Variants in GLB1 observed in about 807,000 individuals in gnomAD.
The protein encoded by GLB1 is galactosidase beta 1.
In GLB1, 56 loss-of-function variants were observed where a neutral mutation model predicts 74.0. The observed-to-expected ratio is 0.76, with a 90% CI of 0.61 to 0.94. The LOEUF is 0.94. Ranked by LOEUF, GLB1 falls within the 40% of genes least tolerant of loss-of-function variation. GLB1 has a pLI of 0.00. For synonymous variants in GLB1, 323 were observed against 323.6 expected (o/e 1.00, Z 0.02); for missense variants, 787 against 845.5 (o/e 0.93, Z 0.86).
chr3:33,012,936 G>A (rs1352311316), intron 15 of GLB1, among the ~76,000 whole-genome samples: 1 of 152,040 alleles, frequency 6.6e-6, no homozygotes, highest in Non-Finnish European at 1.5e-5. Flanking sequence ...TGGTTTCCTC[G>A]AATCCATAAG....
chr3:33,057,138 G>A (rs184368533), intron 6 of GLB1, among the ~76,000 whole-genome samples: 3 of 152,342 alleles, frequency 2.0e-5, no homozygotes, highest in Admixed American at 6.5e-5. Context: ...GATAGTGAGT[G>A]AATGAGTTAT....
intron 1 of GLB1, among the ~76,000 whole-genome samples, chr3:33,075,524 G>A (rs546817572): frequency 2.0e-5 from 3 of 152,300 alleles, no homozygotes; most frequent in African/African-American, 7.2e-5. Flanking sequence ...AGTAATCACA[G>A]ACAAGAACCA....
At chr3:33,067,462 A>AAATTTTTG (rs1699731187) in intron 4 of GLB1, among the ~76,000 whole-genome samples, 1 of 151,126 alleles carries the variant, frequency 6.6e-6, no homozygotes, top group Admixed American at 6.6e-5. Flanking sequence ...GCTAATTTTT[A>AAATTTTTG]TAGAGATAGG....
At chr3:33,004,595 T>C (rs1696710811) in intron 15 of GLB1, among the ~76,000 whole-genome samples, 1 of 152,250 alleles carries the variant, frequency 6.6e-6, no homozygotes, top group Non-Finnish European at 1.5e-5. Context: ...CAGCCATGTC[T>C]GTGCCTTTCT....
chr3:32,974,757 A>G, the GLB1 span, among the ~76,000 whole-genome samples: 1 of 152,196 alleles, frequency 6.6e-6, no homozygotes, highest in Admixed American at 6.5e-5. Flanking sequence ...CAAGTCAGTC[A>G]GGAAGGAGGA....
chr3:33,017,410 T>C (rs1184577280), intron 13 of GLB1, among the ~76,000 whole-genome samples: 2 of 152,176 alleles, frequency 1.3e-5, no homozygotes, highest in Admixed American at 6.5e-5. Flanking sequence ...GACCTTACAA[T>C]GATCATAATT....
At chr3:33,021,722 T>G in intron 11 of GLB1, 67 bp from the exon 12 acceptor site, 1 of 1,548,700 alleles carries the variant, frequency 6.5e-7, no homozygotes, top group Non-Finnish European at 8.8e-7. Context: ...ACAGAGTCAT[T>G]CCCTAATTAT....
intron 5 of GLB1, 77 bp downstream of exon 5, chr3:33,065,386 A>G: frequency 3.9e-6 from 6 of 1,519,722 alleles, no homozygotes; most frequent in Non-Finnish European, 5.4e-6. Context: ...TCATGTCTGC[A>G]TCACTTCTAT....
intron 9 of GLB1, among the ~76,000 whole-genome samples, chr3:33,048,201 T>C (rs1698820879): frequency 6.6e-6 from 1 of 152,194 alleles, no homozygotes; most frequent in South Asian, 2.1e-4. Context: ...AAGCACACTT[T>C]ACAGGCCGAG....
intron 15 of GLB1, among the ~76,000 whole-genome samples, chr3:32,999,196 C>T (rs1291284037): frequency 6.6e-6 from 1 of 152,218 alleles, no homozygotes; most frequent in East Asian, 1.9e-4. Flanking sequence ...AACTATTTCA[C>T]TCTTGTTTTT....
chr3:33,045,364 G>A (rs562422866), intron 10 of GLB1: 5 of 984,398 alleles, frequency 5.1e-6, no homozygotes, highest in African/African-American at 3.5e-5. Flanking sequence ...AGGTAAGTAC[G>A]GCTACCTCTA....
At chr3:33,019,770 G>C (rs1697392907) in intron 12 of GLB1, among the ~76,000 whole-genome samples, 1 of 152,224 alleles carries the variant, frequency 6.6e-6, no homozygotes, top group African/African-American at 2.4e-5. Context: ...CTTCCAGAAG[G>C]AGGGGTAGAA....
intron 1 of GLB1, among the ~76,000 whole-genome samples, chr3:33,085,924 A>G (rs1156683819): frequency 6.7e-6 from 1 of 149,948 alleles, no homozygotes; most frequent in Non-Finnish European, 1.5e-5. Flanking sequence ...AAAAAAAAAA[A>G]GAGCCAGGAG....
intron 15 of GLB1, among the ~76,000 whole-genome samples, chr3:33,000,553 C>T (rs1234727103): frequency 1.3e-5 from 2 of 152,026 alleles, no homozygotes; most frequent in East Asian, 3.9e-4. Flanking sequence ...ATGGTGAAAC[C>T]CTGTCTCTAC....
chr3:33,075,022 A>G (rs1235014032), intron 1 of GLB1, among the ~76,000 whole-genome samples: 1 of 152,218 alleles, frequency 6.6e-6, no homozygotes, highest in East Asian at 1.9e-4. Context: ...TAAAAGGGCA[A>G]GTGTCAATTT....
At chr3:33,042,517 G>A (rs1401272998) in intron 10 of GLB1, among the ~76,000 whole-genome samples, 5 of 151,788 alleles carry the variant, frequency 3.3e-5, no homozygotes, top group South Asian at 2.1e-4. Context: ...ACAGGCGCCC[G>A]CCACTATGCC....
intron 12 of GLB1, chr3:33,021,331 T>C (rs1697468956): frequency 1.7e-6 from 1 of 572,778 alleles, no homozygotes; most frequent in Non-Finnish European, 3.1e-6. Context: ...TGAAGCAGGT[T>C]GGGCTACCTC....
intron 10 of GLB1, chr3:33,034,827 T>C: frequency 1.7e-6 from 1 of 585,728 alleles, no homozygotes. Context: ...AGGCAGAGCC[T>C]CCCACCTGCC....
At chr3:32,995,255 C>T (rs527383461), downstream of GLB1, among the ~76,000 whole-genome samples, 24 of 152,142 alleles carry the variant, frequency 1.6e-4, no homozygotes, top group African/African-American at 5.8e-4. Context: ...GTCTCTAGGG[C>T]AGGGGAACTG....
Sources: gnomAD v4.1 joint callset for allele counts (sites outside exome capture counted in the v4.1 genomes callset) on GRCh38, gnomAD v4.1.1 for gene constraint, MANE v1.5 for transcripts, NCBI Gene and HGNC (gene_info 2026-07-23, HGNC 2026-07-21) for gene names.